The following MIGA2 variants were observed in gnomAD, a reference collection of about 807,000 sequenced individuals.
MIGA2 encodes family with sequence similarity 73, member B.
MIGA2 carries 36 observed loss-of-function variants against 69.9 expected under a neutral mutation model. That is an observed-to-expected ratio of 0.52 (90% CI 0.39 to 0.68). The LOEUF is 0.68. Among genes scored for constraint, MIGA2 ranks in the 30% least tolerant of loss-of-function variants. The probability of loss-of-function intolerance (pLI) is 0.00; values close to 1 mark genes in which losing one functional copy is unlikely to be tolerated. For synonymous variants in MIGA2, 333 were observed against 349.2 expected, an observed-to-expected ratio of 0.95 and a Z score of 0.52; for missense variants, 660 against 787.7, an observed-to-expected ratio of 0.84 and a Z score of 1.94.
intron 6 of MIGA2, among the ~76,000 whole-genome samples, chr9:129,056,083 C>T (rs1199659543): frequency 1.4e-5 from 2 of 142,226 alleles, no homozygotes; most frequent in African/African-American, 2.6e-5. Flanking sequence ...CCCATGATCT[C>T]ATCACTGCAC....
At chr9:129,063,117 TGCCAGGCTGAGGCAGGGCCAGGGCTGGA>T in intron 9 of MIGA2, 99 bp from the exon 10 acceptor site, 1 of 918,938 alleles carries the variant, frequency 1.1e-6, no homozygotes, top group South Asian at 1.6e-5. Flanking sequence ...GAGGCCACAC[TGCCAGGCTGAGGCAGGGCCAGGGCTGGA>T]GCCAGAGCCT....
In MIGA2 at chr9:129,056,441, A is replaced by AG. The variant is rs1308431977; in HGVS notation, c.676-2711dup. On this transcript the variant is annotated intron_variant, in intron 6 of 15. Transcript: ENST00000684074. ...CAGGGATAACTTAAAGAACTACAGT[A>AG]GGCAATGCACGTCACAGAAGACTGG... 8.5e-5 allele frequency among the ~76,000 whole-genome samples: 13 copies of AG among 152,258 alleles called. No individual in the cohort carries two copies. The East Asian group carries it at 1.7e-3, about 20-fold the overall frequency.
chr9:129,044,551 T>G (rs1210909563), intron 3 of MIGA2, among the ~76,000 whole-genome samples: 1 of 152,078 alleles, frequency 6.6e-6, no homozygotes, highest in African/African-American at 2.4e-5. Context: ...AGTTCTCATC[T>G]TGGGAGACTT....
At chr9:129,065,088 C>CTT (rs74876477) in intron 11 of MIGA2, among the ~76,000 whole-genome samples, 1 of 143,256 alleles carries the variant, frequency 7.0e-6, no homozygotes, top group African/African-American at 2.5e-5. Context: ...TGTCCTCAAT[C>CTT]TTTTTTTTTT....
intron 6 of MIGA2, among the ~76,000 whole-genome samples, chr9:129,058,065 A>C (rs1845883098): frequency 6.6e-6 from 1 of 152,162 alleles, no homozygotes; most frequent in Admixed American, 6.6e-5. Context: ...AGTAGTTAAT[A>C]ACCTACTAAT....
At chr9:129,058,557 T>C (rs1845909901) in intron 6 of MIGA2, among the ~76,000 whole-genome samples, 1 of 145,404 alleles carries the variant, frequency 6.9e-6, no homozygotes, top group South Asian at 2.2e-4. Context: ...TAGAGTGCAA[T>C]GGCGCGATCT....
Position 129,059,501 on chromosome 9 carries a change from A to AG in MIGA2, c.793+231dup, listed in dbSNP as rs1374204731. Among the ~76,000 whole-genome samples, 1 of 152,148 alleles carries AG rather than the reference A, an allele frequency of 6.6e-6. No individual in the cohort carries two copies. On this transcript the variant is annotated intron_variant, in intron 7 of 15. Transcript: ENST00000684074. The surrounding 1 kb of genome is among the most constrained non-coding windows in gnomAD (Gnocchi z 5.6). ...AGCTGAGGTGAGGCCCAGAATCCCC[A>AG]GCAAGTGCACCTGGCTCCATCCTCT...
rs1844845867 is a variant in MIGA2 at position 129,040,588 on chromosome 9, C to T, written c.-7C>T. Reference sequence around the variant, plus strand: ...CTGAGGACTTTGCCTGGGGCATTGGCCCTGCCATGGCGTTCCGGAGGGCCG... The same window carrying T: ...CTGAGGACTTTGCCTGGGGCATTGGTCCTGCCATGGCGTTCCGGAGGGCCG... On this transcript the variant is annotated 5_prime_UTR_variant, in exon 2 of 16. Coordinates refer to ENST00000684074, the MANE Select transcript of MIGA2 (RefSeq NM_001329990.2). The T allele has an allele frequency of 6.2e-7, 1 of 1,608,962 alleles. No homozygotes were observed. Among genetic ancestry groups the T allele is most frequent in the Admixed American group, 1.7e-5 (1 of 59,606 alleles).
chr9:129,045,031 C>T, intron 3 of MIGA2, among the ~76,000 whole-genome samples: 1 of 151,630 alleles, frequency 6.6e-6, no homozygotes, highest in Non-Finnish European at 1.5e-5. Flanking sequence ...AACCCTGTCT[C>T]TACTAAAAAT....
At position 129,069,881 on chromosome 9, in the gene MIGA2, C is replaced by T. The variant is rs760597288; in HGVS notation, c.1491C>T (p.Ser497=). The part of the protein sequence containing the change: ...VPDGFISHFY[S]VSEHVSPVLA... ...ATGGCTTCATCTCCCATTTCTACTC[C>T]GTATCGGAGCATGTGAGCCCTGTCC... Residue 497 remains serine, a synonymous_variant, in exon 15 of 16, where the codon TCC becomes TCT. Coordinates refer to ENST00000684074, the MANE Select transcript of MIGA2 (RefSeq NM_001329990.2). The surrounding 1 kb of genome is among the most constrained non-coding windows in gnomAD (Gnocchi z 4.9). The T allele has an allele frequency of 1.2e-5, 20 of 1,613,816 alleles. No homozygotes were observed. The highest frequency in any genetic ancestry group is 3.3e-5 in the Admixed American group (2 of 60,014).
intron 1 of MIGA2, among the ~76,000 whole-genome samples, chr9:129,037,595 G>T (rs1844662990): frequency 6.6e-6 from 1 of 152,120 alleles, no homozygotes; most frequent in Non-Finnish European, 1.5e-5. Context: ...AGTGAAGCAG[G>T]CTTGGGGGCT....
intron 1 of MIGA2, among the ~76,000 whole-genome samples, chr9:129,038,743 G>A (rs1399372220): frequency 2.0e-5 from 3 of 151,774 alleles, no homozygotes; most frequent in Admixed American, 1.3e-4. Context: ...AGGCTGGGGG[G>A]AAGGTGGGTG....
chr9:129,050,936 C>T (rs1366996480), intron 6 of MIGA2, among the ~76,000 whole-genome samples: 19 of 151,216 alleles, frequency 1.3e-4, no homozygotes, highest in Admixed American at 3.3e-4. Context: ...TGCAATGGTG[C>T]GATCTTGGCT....
At chr9:129,051,248 A>G (rs1386555240) in intron 6 of MIGA2, 1 of 172,770 alleles carries the variant, frequency 5.8e-6, no homozygotes, top group African/African-American at 2.4e-5. Flanking sequence ...AGTTTTCAAC[A>G]GTGAATTATT....
chr9:129,050,410 G>A (rs1277389915), intron 6 of MIGA2, among the ~76,000 whole-genome samples: 1 of 152,028 alleles, frequency 6.6e-6, no homozygotes, highest in East Asian at 1.9e-4. Flanking sequence ...GCGTAGCTGG[G>A]ATTATAGGCG....
intron 3 of MIGA2, among the ~76,000 whole-genome samples, chr9:129,046,431 CTGGG>C (rs1419440345): frequency 3.3e-5 from 5 of 151,644 alleles, no homozygotes; most frequent in African/African-American, 9.7e-5. Flanking sequence ...TGAGACCAGC[CTGGG>C]TGGTATGTGG....
chr9:129,037,063 T>C, intron 1 of MIGA2: 1 of 1,001,340 alleles, frequency 1.0e-6, no homozygotes, highest in Non-Finnish European at 1.2e-6. Flanking sequence ...AAGAAGGGGC[T>C]GCCCAAGATG....
intron 2 of MIGA2, among the ~76,000 whole-genome samples, chr9:129,041,379 A>C (rs1588365808): frequency 6.6e-6 from 1 of 151,654 alleles, no homozygotes; most frequent in Non-Finnish European, 1.5e-5. Context: ...CTGTAATCCC[A>C]GCTACTTGGG....
intron 1 of MIGA2, among the ~76,000 whole-genome samples, chr9:129,037,208 A>G (rs1219963808): frequency 6.6e-6 from 1 of 152,060 alleles, no homozygotes; most frequent in Non-Finnish European, 1.5e-5. Flanking sequence ...GAGTGGCTCA[A>G]GGGAGTCGGG....
Sources: gnomAD v4.1 joint callset for allele counts (sites outside exome capture counted in the v4.1 genomes callset) on GRCh38, gnomAD v4.1.1 for gene constraint, Gnocchi (gnomAD v3.1) non-coding constraint, MANE v1.5 for transcripts, NCBI Gene and HGNC (gene_info 2026-07-23, HGNC 2026-07-21) for gene names.